The following FAM110B variants were observed in gnomAD, a reference collection of about 807,000 sequenced individuals.
FAM110B encodes family with sequence similarity 110 member B, also known as protein FAM110B.
Under a neutral mutation model 20.4 loss-of-function variants are expected in FAM110B, and 6 were observed. The ratio of observed to expected loss-of-function variants is 0.29; its 90% CI spans 0.16 to 0.58. The LOEUF (loss-of-function observed/expected upper bound fraction) is 0.58, where lower values mean the gene tolerates loss of function less well. FAM110B is among the 20% of genes least tolerant of loss of function. The pLI is 0.90. For synonymous variants in FAM110B, 226 were observed against 214.1 expected, an observed-to-expected ratio of 1.06 and a Z score of -0.49; for missense variants, 434 against 498.2, an observed-to-expected ratio of 0.87 and a Z score of 1.23.
intron 2 of FAM110B, among the ~76,000 whole-genome samples, chr8:58,046,199 G>T (rs1186729302): frequency 1.3e-5 from 2 of 152,076 alleles, no homozygotes; most frequent in Non-Finnish European, 2.9e-5. Context: ...GGCCAAGTTA[G>T]CATTATATTA....
chr8:58,112,050 C>T (rs529575402), intron 3 of FAM110B, among the ~76,000 whole-genome samples: 75 of 152,228 alleles, frequency 4.9e-4, no homozygotes, highest in African/African-American at 1.7e-3. Context: ...TTTGGCTGGG[C>T]ATTGTGGTTC....
At chr8:58,045,246 G>C (rs1389266295) in intron 2 of FAM110B, among the ~76,000 whole-genome samples, 2 of 152,112 alleles carry the variant, frequency 1.3e-5, no homozygotes, top group Admixed American at 6.5e-5. Flanking sequence ...AGTCATCAGG[G>C]CTGTGGCAGG....
intron 2 of FAM110B, among the ~76,000 whole-genome samples, chr8:58,041,785 T>G (rs1805226863): frequency 1.3e-5 from 2 of 152,222 alleles, no homozygotes; most frequent in Admixed American, 1.3e-4. Flanking sequence ...AAGGACTTAC[T>G]TAAAGCTAGT....
intron 3 of FAM110B, among the ~76,000 whole-genome samples, chr8:58,128,981 C>T (rs1362020103): frequency 6.6e-6 from 1 of 152,164 alleles, no homozygotes; most frequent in Non-Finnish European, 1.5e-5. Flanking sequence ...CTTGTAAACA[C>T]AGGAAAGCTT....
intron 3 of FAM110B, among the ~76,000 whole-genome samples, chr8:58,109,891 C>T (rs1032551693): frequency 6.6e-5 from 10 of 152,138 alleles, no homozygotes; most frequent in Admixed American, 1.3e-4. Context: ...CAGTTTATTG[C>T]GGGTTATTCA....
rs190329525 is a variant in FAM110B, at chr8:58,113,935, G to A, written c.-324-31972G>A. ...ATAAGTGACTTCTTGGTATTACATC[G>A]GGCCTTAAAAGTCTTATGCTTACTT... On this transcript the variant is annotated intron_variant, in intron 3 of 3. Coordinates refer to ENST00000519262, the MANE Select transcript of FAM110B (RefSeq NM_001377989.1). Among the ~76,000 whole-genome samples the A allele has an allele frequency of 6.6e-4, 101 of 152,204 alleles. 1 individual carries two copies. In the East Asian group the frequency reaches 8.7e-3, roughly 13 times the overall value.
intron 2 of FAM110B, among the ~76,000 whole-genome samples, chr8:58,053,126 A>G (rs1451863454): frequency 6.6e-6 from 1 of 152,176 alleles, no homozygotes; most frequent in Non-Finnish European, 1.5e-5. Context: ...GTTGCAGTAT[A>G]TAAAACTCTA....
chr8:58,140,088 G>C (rs1017694585), intron 3 of FAM110B, among the ~76,000 whole-genome samples: 1 of 152,134 alleles, frequency 6.6e-6, no homozygotes, highest in African/African-American at 2.4e-5. Flanking sequence ...TTTGGCTTAA[G>C]CCCAGGGTGC....
chr8:58,029,957 C>T (rs528533275), intron 1 of FAM110B, among the ~76,000 whole-genome samples: 1 of 152,154 alleles, frequency 6.6e-6, no homozygotes, highest in South Asian at 2.1e-4. Context: ...CTATTTTCTC[C>T]CTTCAAAAGT....
At chr8:58,088,337 T>G (rs913583047) in intron 3 of FAM110B, among the ~76,000 whole-genome samples, 1 of 152,192 alleles carries the variant, frequency 6.6e-6, no homozygotes. Context: ...TTTTACTGAC[T>G]TGATGAATTC....
chr8:58,006,906 T>C (rs1804416825), intron 1 of FAM110B, among the ~76,000 whole-genome samples: 1 of 93,356 alleles, frequency 1.1e-5, no homozygotes, highest in Non-Finnish European at 2.2e-5. Context: ...AATTGGTATA[T>C]ATATATATAT....
intron 3 of FAM110B, among the ~76,000 whole-genome samples, chr8:58,076,517 G>T (rs1390443129): frequency 6.6e-6 from 1 of 152,118 alleles, no homozygotes; most frequent in Admixed American, 6.5e-5. Context: ...CTCCTTTCTG[G>T]TCCCCACAGC....
In FAM110B at chr8:58,147,319, GTC is replaced by G; in HGVS notation, c.1090_1091del (p.Ser364ThrfsTer58). On this transcript the variant is annotated frameshift_variant, in exon 4 of 4. Transcript: ENST00000519262. LOFTEE classifies it high-confidence loss of function. ...WLYSIKQARE[S>X]QKVSHV ...TATATAGCATCAAACAAGCTAGAGA[GTC>G]ACAGAAGGTCTCCCATGTGTAAGAC... 6.2e-7 allele frequency: 1 copy of G among 1,613,874 alleles called. No homozygotes were observed. Among genetic ancestry groups the G allele is most frequent in the Non-Finnish European group, 8.5e-7 (1 of 1,179,838 alleles).
chr8:58,028,217 C>T (rs1432966996), intron 1 of FAM110B, among the ~76,000 whole-genome samples: 2 of 152,186 alleles, frequency 1.3e-5, no homozygotes, highest in South Asian at 2.1e-4. Context: ...GATTCTGCTG[C>T]GTCAGCCTCC....
At chr8:58,125,514 C>T (rs887292362) in intron 3 of FAM110B, among the ~76,000 whole-genome samples, 5 of 152,140 alleles carry the variant, frequency 3.3e-5, no homozygotes, top group Admixed American at 2.0e-4. Context: ...ACATTTTAAT[C>T]CATGGCATAT....
At chr8:58,110,539 A>G (rs983775993) in intron 3 of FAM110B, among the ~76,000 whole-genome samples, 1 of 152,204 alleles carries the variant, frequency 6.6e-6, no homozygotes, top group Non-Finnish European at 1.5e-5. Context: ...AGTTTTAAGT[A>G]AAAGTAATAG....
intron 3 of FAM110B, among the ~76,000 whole-genome samples, chr8:58,110,591 G>T (rs1417449354): frequency 6.6e-6 from 1 of 152,116 alleles, no homozygotes; most frequent in Non-Finnish European, 1.5e-5. Context: ...TTTTTATCAT[G>T]ATCTTTATTG....
intron 3 of FAM110B, among the ~76,000 whole-genome samples, chr8:58,140,420 G>A (rs1803714172): frequency 1.3e-5 from 2 of 152,246 alleles, no homozygotes; most frequent in South Asian, 4.1e-4. Context: ...GAAATCTGAG[G>A]CACGAGAAGA....
intron 3 of FAM110B, among the ~76,000 whole-genome samples, chr8:58,140,636 C>A (rs991094786): frequency 6.6e-6 from 1 of 152,200 alleles, no homozygotes; most frequent in Non-Finnish European, 1.5e-5. Flanking sequence ...GACCATGTCA[C>A]CAATGCTCAA....
Sources: gnomAD v4.1 joint callset for allele counts (sites outside exome capture counted in the v4.1 genomes callset) on GRCh38, gnomAD v4.1.1 for gene constraint, MANE v1.5 for transcripts, NCBI Gene and HGNC (gene_info 2026-07-23, HGNC 2026-07-21) for gene names.